The following CRMP1 variants were observed in gnomAD, a reference collection of about 807,000 sequenced individuals.
The protein encoded by CRMP1 is collapsin response mediator protein 1.
A neutral mutation model predicts 68.3 loss-of-function variants in CRMP1; 19 were observed. The observed-to-expected ratio is 0.28, with a 90% confidence interval of 0.19 to 0.41. The LOEUF is 0.41. CRMP1 is among the 10% of genes least tolerant of loss of function. CRMP1 has a pLI of 1.00. For synonymous variants in CRMP1, 439 were observed against 399.6 expected (o/e 1.10, Z -1.18); for missense variants, 791 against 967.4 (o/e 0.82, Z 2.42).
intron 6 of CRMP1, among the ~76,000 whole-genome samples, chr4:5,845,347 C>A (rs145180187): frequency 6.8e-4 from 104 of 152,356 alleles, no homozygotes; most frequent in African/African-American, 2.4e-3. Flanking sequence ...TGCTCACCTA[C>A]TGCTTTTTGG....
chr4:5,868,261 C>CTATATCTATA (rs1553907487), intron 1 of CRMP1, among the ~76,000 whole-genome samples: 16 of 111,448 alleles, frequency 1.4e-4, no homozygotes, highest in African/African-American at 4.1e-4. Flanking sequence ...GACTATATAT[C>CTATATCTATA]TATATATATA....
rs16837748 is a variant in CRMP1 at position 5,856,135 on chromosome 4, T to C, written c.820+8A>G. ...TCCCCAAAACCCCGTTCCGAGGCTT[T>C]AACTGACCTTTGTCCTGCACCAGCA... On this transcript the variant is annotated splice_region_variant and intron_variant, in intron 4 of 13. Transcript: ENST00000324989. 1.7e-3 allele frequency: 2,799 copies of C among 1,613,668 alleles called. 46 individuals carry two copies. In the African/African-American group the frequency reaches 0.033, roughly 19 times the overall value.
Position 5,861,215 on chromosome 4 carries a change from A to G in CRMP1, c.471-5T>C. The stretch of plus-strand genomic sequence containing the variant: ...ATTAAGTTCTCTCCTATTTGTCTGG[A>G]GGCAAACAACAGAGACAGCCTTGGT... On this transcript the variant is annotated splice_polypyrimidine_tract_variant and splice_region_variant and intron_variant, in intron 2 of 13. Transcript: ENST00000324989. The surrounding 1 kb of genome is among the most constrained non-coding windows in gnomAD (Gnocchi z 6.0). 6.2e-7 allele frequency: 1 copy of G among 1,612,338 alleles called. No individual in the cohort carries two copies. The highest frequency in any genetic ancestry group is 8.5e-7 in the Non-Finnish European group (1 of 1,179,010).
chr4:5,867,555 A>G (rs186692039), intron 1 of CRMP1, among the ~76,000 whole-genome samples: 4 of 152,236 alleles, frequency 2.6e-5, no homozygotes, highest in East Asian at 1.9e-4. Flanking sequence ...TTCTTCCCCC[A>G]CAGTGCACAC....
chr4:5,849,299 C>G, intron 6 of CRMP1, 93 bp downstream of exon 6: 1 of 996,764 alleles, frequency 1.0e-6, no homozygotes. Flanking sequence ...TTTCATTGTA[C>G]AGCCTCCTCA....
chr4:5,856,829 C>A (rs1269159632), intron 3 of CRMP1, among the ~76,000 whole-genome samples: 1 of 149,576 alleles, frequency 6.7e-6, no homozygotes, highest in African/African-American at 2.5e-5. Flanking sequence ...TTACCACCAT[C>A]CACTATTATC....
At chr4:5,828,788 T>C (rs1720089659) in intron 11 of CRMP1, 120 bp from the exon 12 acceptor site, 2 of 1,193,248 alleles carry the variant, frequency 1.7e-6, no homozygotes, top group Non-Finnish European at 2.3e-6. Context: ...TTTTTCTCTC[T>C]AAAAATACCT....
At position 5,879,179 on chromosome 4, in the gene CRMP1, C is replaced by T. The variant is rs1397030840; in HGVS notation, c.382-12423G>A. 6.6e-6 allele frequency among the ~76,000 whole-genome samples: 1 copy of T among 152,200 alleles called. No individual in the cohort carries two copies. Among genetic ancestry groups the T allele is most frequent in the Admixed American group, 6.5e-5 (1 of 15,280 alleles). On this transcript the variant is annotated intron_variant, in intron 1 of 13. Coordinates refer to ENST00000324989, the MANE Select transcript of CRMP1 (RefSeq NM_001014809.3). The surrounding 1 kb of genome is among the most constrained non-coding windows in gnomAD (Gnocchi z 4.2). Reference sequence around the variant, plus strand: ...AGCCCGGCCCTCTCTCGGCCGCGCCCCACCACATCTATCTACGCACACCAC... The same window carrying T: ...AGCCCGGCCCTCTCTCGGCCGCGCCTCACCACATCTATCTACGCACACCAC...
At chr4:5,847,145 C>A (rs1712280732) in intron 6 of CRMP1, among the ~76,000 whole-genome samples, 1 of 152,144 alleles carries the variant, frequency 6.6e-6, no homozygotes, top group Non-Finnish European at 1.5e-5. Context: ...CTCCTTGGTG[C>A]CTTCTATTTT....
rs763672490 is a variant in CRMP1, at chr4:5,856,275, G to T, written c.688C>A (p.Leu230Ile). 3.1e-6 allele frequency: 5 copies of T among 1,613,674 alleles called. No homozygotes were observed. Among genetic ancestry groups the T allele is most frequent in the Non-Finnish European group, 3.4e-6 (4 of 1,179,810 alleles). Residue 230 changes from leucine (L) to isoleucine (I), a missense_variant, in exon 4 of 14, where the codon CTA becomes ATA. This residue lies in a region of CRMP1 where 594 missense variants were observed against 763.6 expected (regional missense o/e 0.78). Transcript: ENST00000324989. Reference sequence around the variant, plus strand: ...TGCCACTTCTCGAAAGAGGTCAGTAGGCTGGACCCAGGTTCAGGAACAACA... The same window carrying T: ...TGCCACTTCTCGAAAGAGGTCAGTATGCTGGACCCAGGTTCAGGAACAACA... Reference protein sequence around the residue: ...DHVVPEPGSSLLTSFEKWHEA... With the variant: ...DHVVPEPGSSILTSFEKWHEA...
At chr4:5,835,827 A>T in intron 11 of CRMP1, 88 bp downstream of exon 11, 1 of 1,327,262 alleles carries the variant, frequency 7.5e-7, no homozygotes, top group Non-Finnish European at 9.8e-7. Context: ...CCTAGTTGGA[A>T]AATTCATAAA....
Position 5,892,345 on chromosome 4 carries a change from C to CGGGACT in CRMP1, c.381+238_381+243dup, listed in dbSNP as rs141640040. Among the ~76,000 whole-genome samples, 5,616 of 152,268 alleles carry CGGGACT rather than the reference C, an allele frequency of 0.037. 340 individuals carry two copies. Among genetic ancestry groups the CGGGACT allele is most frequent in the African/African-American group, 0.13 (5,278 of 41,540 alleles). ...CTCTCCCTTTCTGTAGAAGAGGAGCCGGGACTGGACCCGGGCGATCCCTTC... is the reference window on the plus strand; with the variant it reads ...CTCTCCCTTTCTGTAGAAGAGGAGCCGGGACTGGGACTGGACCCGGGCGATCCCTTC... On this transcript the variant is annotated intron_variant, in intron 1 of 13. Transcript: ENST00000324989. This position sits in a 1 kb window ranked among gnomAD's most constrained non-coding sequence, Gnocchi z 8.6.
rs1000897395 is a variant in CRMP1, at chr4:5,892,039, C to G, written c.381+550G>C. Among the ~76,000 whole-genome samples, 6 of 152,150 alleles carry G rather than the reference C, an allele frequency of 3.9e-5. No individual in the cohort carries two copies. Among genetic ancestry groups the G allele is most frequent in the African/African-American group, 1.4e-4 (6 of 41,438 alleles). The stretch of plus-strand genomic sequence containing the variant: ...GAACTAAATCCTTAACCAAATCCTT[C>G]CCCCCAGCAAGCATGAGGGGAGCGC... On this transcript the variant is annotated intron_variant, in intron 1 of 13. Coordinates refer to ENST00000324989, the MANE Select transcript of CRMP1 (RefSeq NM_001014809.3). The surrounding 1 kb of genome is among the most constrained non-coding windows in gnomAD (Gnocchi z 8.6).
chr4:5,878,462 A>C (rs1714996624), intron 1 of CRMP1, among the ~76,000 whole-genome samples: 1 of 152,198 alleles, frequency 6.6e-6, no homozygotes, highest in African/African-American at 2.4e-5. Context: ...AGGCCTCGGA[A>C]AACTGCAAAA....
rs748624496 is a variant in CRMP1 at position 5,836,774 on chromosome 4, G to C, written c.1443C>G (p.Asp481Glu). Residue 481 changes from aspartate (D) to glutamate (E), a missense_variant, in exon 10 of 14, where the codon GAC (aspartate) becomes GAG (glutamate). Transcript: ENST00000324989. ...GIEERMTVVW[D>E]KAVATGKMDE... ...AGAGATCCAGCCTTACCACCGCCTT[G>C]TCCCAGACGACCGTCATCCGCTCCT... is the stretch of plus-strand genomic sequence containing the variant. The C allele has an allele frequency of 5.6e-6, 9 of 1,614,024 alleles. No homozygotes were observed. In the East Asian group the frequency reaches 1.8e-4, roughly 32 times the overall value.
At chr4:5,828,199 A>G (rs1038433900) in intron 12 of CRMP1, 1 of 985,404 alleles carries the variant, frequency 1.0e-6, no homozygotes, top group Non-Finnish European at 1.2e-6. Context: ...GACGCAGGAC[A>G]GCGCCCAGAG....
chr4:5,864,163 T>C (rs538817039), intron 2 of CRMP1, among the ~76,000 whole-genome samples: 1 of 152,280 alleles, frequency 6.6e-6, no homozygotes, highest in East Asian at 1.9e-4. Flanking sequence ...TTGCTCCTTC[T>C]GTATACTCCG....
chr4:5,856,101 AC>A, intron 4 of CRMP1, 41 bp downstream of exon 4: 1 of 1,608,084 alleles, frequency 6.2e-7, no homozygotes, highest in Non-Finnish European at 8.5e-7. Flanking sequence ...CTACCAAAGA[AC>A]AAGGGATTCC....
At position 5,842,592 on chromosome 4, in the gene CRMP1, A is replaced by ACT. The variant is rs201976816; in HGVS notation, c.1032+499_1032+500dup. Among the ~76,000 whole-genome samples, 1 of 108,854 alleles carries ACT rather than the reference A, an allele frequency of 9.2e-6. No homozygotes were observed. The highest frequency in any genetic ancestry group is 3.0e-4 in the South Asian group (1 of 3,316). 71.4% of individuals were successfully genotyped at this position (108,854 alleles called of 152,430 possible). A position where few individuals can be genotyped will look rare whatever the true frequency, so the allele number is the denominator to read the frequency against. The stretch of plus-strand genomic sequence containing the variant: ...CATGCACATGCACCCACACTCACAC[A>ACT]CTCTCTCACACACACACACACACAC... On this transcript the variant is annotated intron_variant, in intron 7 of 13. Coordinates refer to ENST00000324989, the MANE Select transcript of CRMP1 (RefSeq NM_001014809.3). This position sits in a 1 kb window ranked among gnomAD's most constrained non-coding sequence, Gnocchi z 4.5.
Sources: allele counts gnomAD v4.1 joint callset (sites outside exome capture counted in the v4.1 genomes callset), GRCh38; gene constraint gnomAD v4.1.1; regional missense constraint gnomAD v4.1.1; non-coding constraint Gnocchi (gnomAD v3.1); transcripts MANE v1.5; gene names NCBI Gene and HGNC (gene_info 2026-07-23, HGNC 2026-07-21).